Variants in ITGAL observed in about 807,000 individuals in gnomAD.
The protein encoded by ITGAL is integrin alpha-L.
In ITGAL, 68 loss-of-function variants were observed where a neutral mutation model predicts 138.4. The observed-to-expected ratio is 0.49, with a 90% CI of 0.40 to 0.60. The LOEUF is 0.60. Ranked by LOEUF, ITGAL falls within the 20% of genes least tolerant of loss-of-function variation. The pLI is 0.00. For synonymous variants in ITGAL, 561 were observed against 584.3 expected, an observed-to-expected ratio of 0.96 and a Z score of 0.57; for missense variants, 1,256 against 1,478.6, an observed-to-expected ratio of 0.85 and a Z score of 2.47.
In ITGAL at chr16:30,496,222, C is replaced by T. The variant is rs769108812; in HGVS notation, c.1629C>T (p.Ala543=). Residue 543 remains alanine, a synonymous_variant, in exon 14 of 31, where the codon GCC becomes GCT. Coordinates refer to ENST00000356798, the MANE Select transcript of ITGAL (RefSeq NM_002209.3). ...GGCTGGTAGACGTGGCTGTGGGGGC[C>T]CCTCTGGAGGAGCAGGGGGCTGTGT... ...GDGLVDVAVG[A]PLEEQGAVYI... is the part of the protein sequence containing the mutation. 1.8e-5 allele frequency: 29 copies of T among 1,608,602 alleles called. No individual in the cohort carries two copies. Among genetic ancestry groups the T allele is most frequent in the Admixed American group, 1.5e-4 (9 of 59,210 alleles).
In ITGAL at chr16:30,506,642, A is replaced by G. The variant is rs1178064369; in HGVS notation, c.2367-73A>G. The G allele has an allele frequency of 4.8e-6, 5 of 1,036,104 alleles. No individual in the cohort carries two copies. In the East Asian group the frequency reaches 2.5e-4, roughly 53 times the overall value. 64.2% of individuals were successfully genotyped at this position (1,036,104 alleles called of 1,614,324 possible). On this transcript the variant is annotated intron_variant, in intron 20 of 30. Coordinates refer to ENST00000356798, the MANE Select transcript of ITGAL (RefSeq NM_002209.3). ...GTTTTGATTTATTTCTTTCTGGCCCACCAGATCCCTCAGTTCTGATATTCC... is the reference window on the plus strand; with the variant it reads ...GTTTTGATTTATTTCTTTCTGGCCCGCCAGATCCCTCAGTTCTGATATTCC...
At chr16:30,498,080 A>G (rs1321386445) in intron 15 of ITGAL, among the ~76,000 whole-genome samples, 1 of 151,798 alleles carries the variant, frequency 6.6e-6, no homozygotes, top group Admixed American at 6.6e-5. Context: ...AGGGGGCTGT[A>G]TACATCTTCA....
intron 4 of ITGAL, 100 bp from the exon 5 acceptor site, chr16:30,478,991 A>G (rs2050514276): frequency 1.2e-6 from 1 of 855,998 alleles, no homozygotes; most frequent in Non-Finnish European, 2.0e-6. Flanking sequence ...GGAAGTGAGA[A>G]AGAGGACAAG....
intron 2 of ITGAL, 64 bp downstream of exon 2, chr16:30,474,362 C>A: frequency 1.7e-6 from 2 of 1,181,288 alleles, no homozygotes; most frequent in South Asian, 1.3e-5. Context: ...GAGGCGGTGG[C>A]CGCCTCCCCG....
At chr16:30,497,073 G>C (rs1429724725) in intron 15 of ITGAL, among the ~76,000 whole-genome samples, 1 of 152,066 alleles carries the variant, frequency 6.6e-6, no homozygotes, top group Admixed American at 6.6e-5. Flanking sequence ...AGCTGGGCAC[G>C]GTGGCTCACA....
intron 30 of ITGAL, among the ~76,000 whole-genome samples, chr16:30,520,850 A>T (rs1020603691): frequency 2.0e-5 from 3 of 152,102 alleles, no homozygotes; most frequent in African/African-American, 7.2e-5. Flanking sequence ...TTTGGGAGGC[A>T]GAGGCAGGTG....
At chr16:30,488,994 T>C in intron 9 of ITGAL, 88 bp from the exon 10 acceptor site, 1 of 1,092,630 alleles carries the variant, frequency 9.2e-7, no homozygotes, top group Non-Finnish European at 1.4e-6. Context: ...CAGAAGTAAA[T>C]ACCTCACTTC....
chr16:30,489,937 A>G (rs1006463038), intron 11 of ITGAL, among the ~76,000 whole-genome samples: 2 of 149,584 alleles, frequency 1.3e-5, no homozygotes, highest in African/African-American at 5.0e-5. Context: ...CTCTGTCTCA[A>G]CAAACAGGGC....
chr16:30,499,524 T>C, intron 17 of ITGAL, 35 bp downstream of exon 17: 1 of 1,606,324 alleles, frequency 6.2e-7, no homozygotes, highest in Non-Finnish European at 8.5e-7. Flanking sequence ...TGGGATGAGC[T>C]ACCTGCAGGG....
At chr16:30,475,237 C>G in intron 2 of ITGAL, 69 bp from the exon 3 acceptor site, 1 of 1,108,664 alleles carries the variant, frequency 9.0e-7, no homozygotes, top group East Asian at 2.4e-5. Flanking sequence ...ATCTGAACCT[C>G]CTTAGCAGGC....
At position 30,518,727 on chromosome 16, in the gene ITGAL, C is replaced by T; in HGVS notation, c.3228+8C>T. On this transcript the variant is annotated splice_region_variant and intron_variant, in intron 29 of 30. Coordinates refer to ENST00000356798, the MANE Select transcript of ITGAL (RefSeq NM_002209.3). ...AACGCCTCCCTGGCCCAGGTATCTC[C>T]ACCTCCTTGGAAGCCCCAGGAACAG... 1 of 1,602,272 alleles carries T rather than the reference C, an allele frequency of 6.2e-7. No homozygotes were observed.
chr16:30,516,266 G>C (rs1392141956), intron 25 of ITGAL, among the ~76,000 whole-genome samples: 1 of 149,662 alleles, frequency 6.7e-6, no homozygotes, highest in South Asian at 2.1e-4. Flanking sequence ...GTCTCACTCT[G>C]TCGCCCAGGT....
intron 17 of ITGAL, among the ~76,000 whole-genome samples, chr16:30,500,087 T>C (rs2050872561): frequency 7.0e-6 from 1 of 143,880 alleles, no homozygotes; most frequent in South Asian, 2.2e-4. Context: ...TTTATTTATT[T>C]ATTTATTTAT....
rs1054925066 is a variant in ITGAL at position 30,484,408 on chromosome 16, A to C, written c.1006+145A>C. On this transcript the variant is annotated intron_variant, in intron 9 of 30. Coordinates refer to ENST00000356798, the MANE Select transcript of ITGAL (RefSeq NM_002209.3). Reference sequence around the variant, plus strand: ...TGGATCAATTGAGCTCAGGAGTTTGAGACCAGCCTGGGCAACATGGCAAAA... The same window carrying C: ...TGGATCAATTGAGCTCAGGAGTTTGCGACCAGCCTGGGCAACATGGCAAAA... The C allele has an allele frequency of 5.5e-6, 4 of 724,166 alleles. No individual in the cohort carries two copies. In the African/African-American group the frequency reaches 7.2e-5, roughly 13 times the overall value. 44.9% of individuals were successfully genotyped at this position (724,166 alleles called of 1,614,324 possible). A position where few individuals can be genotyped will look rare whatever the true frequency, so the allele number is the denominator to read the frequency against.
At chr16:30,520,221 C>G (rs2051232628) in intron 30 of ITGAL, among the ~76,000 whole-genome samples, 1 of 151,998 alleles carries the variant, frequency 6.6e-6, no homozygotes, top group Non-Finnish European at 1.5e-5. Flanking sequence ...ATCACGTGAG[C>G]CTGGGAGTTC....
chr16:30,485,799 G>T (rs910225252), intron 9 of ITGAL, among the ~76,000 whole-genome samples: 1 of 151,798 alleles, frequency 6.6e-6, no homozygotes, highest in Admixed American at 6.6e-5. Flanking sequence ...CTCCTAAAGT[G>T]CTAGGATTAC....
intron 26 of ITGAL, among the ~76,000 whole-genome samples, chr16:30,517,400 G>C (rs575939701): frequency 6.6e-6 from 1 of 152,058 alleles, no homozygotes; most frequent in East Asian, 1.9e-4. Context: ...TGAGGCTGCA[G>C]TGAGCTATGA....
In ITGAL at chr16:30,519,933, T is replaced by A; in HGVS notation, c.3305T>A (p.Leu1102Gln). 1 of 1,613,404 alleles carries A rather than the reference T, an allele frequency of 6.2e-7. No individual in the cohort carries two copies. The highest frequency in any genetic ancestry group is 8.5e-7 in the Non-Finnish European group (1 of 1,179,894). The change falls in exon 30 of 31, where the codon CTG becomes CAG. Residue 1102 changes from leucine (L) to glutamine (Q), a missense_variant. Coordinates refer to ENST00000356798, the MANE Select transcript of ITGAL (RefSeq NM_002209.3). ...LYVLSGIGGL[L>Q]LLLLIFIVLY... ...GTGCTGAGCGGCATCGGGGGGCTGC[T>A]GCTGCTGCTGCTCATTTTCATAGTG...
At chr16:30,504,328 C>T (rs35427005) in intron 18 of ITGAL, 64 bp downstream of exon 18, 152,002 of 1,253,238 alleles carry the variant, frequency 0.12, 19,571 homozygotes, top group South Asian at 0.57. Flanking sequence ...CAAGAAGAGC[C>T]GCCCATGGCC....
Sources: gnomAD v4.1 joint callset for allele counts (sites outside exome capture counted in the v4.1 genomes callset) on GRCh38, gnomAD v4.1.1 for gene constraint, MANE v1.5 for transcripts, NCBI Gene and HGNC (gene_info 2026-07-23, HGNC 2026-07-21) for gene names.